Variants in HMCN1 observed in about 807,000 individuals in gnomAD.
The protein encoded by HMCN1 is hemicentin 1.
In HMCN1, 321 loss-of-function variants were observed where a neutral mutation model predicts 625.9. That is an observed-to-expected ratio of 0.51 (90% CI 0.47 to 0.56). The LOEUF (loss-of-function observed/expected upper bound fraction) is 0.56. HMCN1 is among the 20% of genes least tolerant of loss of function. HMCN1 has a pLI of 0.00. For missense variants in HMCN1, 6,588 were observed against 6,887.3 expected (o/e 0.96, Z 1.54); for synonymous variants, 2,425 against 2,417.6 (o/e 1.00, Z -0.09).
Position 186,187,986 on chromosome 1 carries a change from C to T in HMCN1, c.16518C>T (p.Asn5506=). 1.2e-6 allele frequency: 2 copies of T among 1,613,882 alleles called. No individual in the cohort carries two copies. Among genetic ancestry groups the T allele is most frequent in the Non-Finnish European group, 8.5e-7 (1 of 1,179,816 alleles). ...GCATCGATACACCCTGTCCACCCAACTACCAACGGGATCCTGTTTCAGGGT... is the reference window on the plus strand; with the variant it reads ...GCATCGATACACCCTGTCCACCCAATTACCAACGGGATCCTGTTTCAGGGT... ...YQCIDTPCPP[N]YQRDPVSGFC... is the part of the protein sequence containing the mutation. Residue 5506 remains asparagine, a synonymous_variant, in exon 106 of 107, where the codon AAC becomes AAT. Transcript: ENST00000271588.
intron 11 of HMCN1, among the ~76,000 whole-genome samples, chr1:185,947,264 G>C (rs1668396011): frequency 6.6e-6 from 1 of 151,968 alleles, no homozygotes; most frequent in East Asian, 1.9e-4. Context: ...CATCTGTACT[G>C]CTCATGTGGC....
intron 36 of HMCN1, among the ~76,000 whole-genome samples, chr1:186,032,226 A>T (rs1655501844): frequency 6.6e-6 from 1 of 152,158 alleles, no homozygotes; most frequent in East Asian, 1.9e-4. Context: ...AGAAAAAAAA[A>T]TAATCCCATC....
rs759910553 is a variant in HMCN1, at chr1:185,994,916, A to G, written c.3607A>G (p.Thr1203Ala). The change falls in exon 24 of 107, where the codon ACC becomes GCC. Residue 1203 changes from threonine to alanine, a missense_variant. Physicochemically the swap from Thr to Ala is moderately conservative, Grantham distance 58 (BLOSUM62 0). Transcript: ENST00000271588. The stretch of plus-strand genomic sequence containing the variant: ...TCAAGGGACTCCTCTTCCTGTAATC[A>G]CCTGGTCCAAAGGTGGAAGCACTAT... ...NAQGTPLPVI[T>A]WSKGGSTMLV... 5 of 1,613,870 alleles carry G rather than the reference A, an allele frequency of 3.1e-6. No individual in the cohort carries two copies. The highest frequency in any genetic ancestry group is 4.2e-6 in the Non-Finnish European group (5 of 1,179,840).
At chr1:185,772,019 A>G (rs1656274666) in intron 1 of HMCN1, among the ~76,000 whole-genome samples, 2 of 152,204 alleles carry the variant, frequency 1.3e-5, no homozygotes, top group South Asian at 4.1e-4. Flanking sequence ...TGAAGACTTG[A>G]GAGTGTGAGG....
At chr1:185,947,622 A>T (rs1668413652) in intron 11 of HMCN1, among the ~76,000 whole-genome samples, 1 of 152,158 alleles carries the variant, frequency 6.6e-6, no homozygotes, top group Non-Finnish European at 1.5e-5. Flanking sequence ...TCCATTTGGG[A>T]TTTCAGTGGC....
chr1:185,941,050 T>A (rs1668054140), intron 11 of HMCN1, among the ~76,000 whole-genome samples: 1 of 152,074 alleles, frequency 6.6e-6, no homozygotes, highest in South Asian at 2.1e-4. Flanking sequence ...AGAGACGGTG[T>A]TTCACCATGC....
Position 186,050,441 on chromosome 1 carries a change from A to G in HMCN1, c.6577+1602A>G, listed in dbSNP as rs1220796588. The stretch of plus-strand genomic sequence containing the variant: ...ACCATATAAGAAGAGAGCTAGTAAA[A>G]GAGACTCTAGATAAGAAACTGAGAA... On this transcript the variant is annotated intron_variant, in intron 42 of 106. Transcript: ENST00000271588. Among the ~76,000 whole-genome samples, 3 of 151,956 alleles carry G rather than the reference A, an allele frequency of 2.0e-5. No homozygotes were observed. In the East Asian group the frequency reaches 5.8e-4, roughly 29 times the overall value.
intron 56 of HMCN1, among the ~76,000 whole-genome samples, 182 bp downstream of exon 56, chr1:186,081,576 G>C (rs778987242): frequency 3.3e-5 from 5 of 151,940 alleles, no homozygotes; most frequent in African/African-American, 1.2e-4. Flanking sequence ...ACTACCAGAG[G>C]TTACCACTGT....
chr1:185,866,373 AG>A (rs1350125616), intron 4 of HMCN1, among the ~76,000 whole-genome samples: 1 of 150,854 alleles, frequency 6.6e-6, no homozygotes, highest in African/African-American at 2.4e-5. Flanking sequence ...TTTCTTAAAA[AG>A]TCCTTTAGAT....
chr1:185,993,488 T>C (rs1652577244), intron 23 of HMCN1, 179 bp downstream of exon 23: 1 of 614,152 alleles, frequency 1.6e-6, no homozygotes, highest in Admixed American at 2.9e-5. Context: ...TTCCTGCTAT[T>C]TATAAACAAT....
At chr1:185,809,491 C>A in intron 1 of HMCN1, among the ~76,000 whole-genome samples, 1 of 151,428 alleles carries the variant, frequency 6.6e-6, no homozygotes, top group East Asian at 1.9e-4. Flanking sequence ...ATATATATAT[C>A]ACTAGAAATT....
At chr1:186,130,771 A>G in intron 85 of HMCN1, 74 bp downstream of exon 85, 2 of 1,263,328 alleles carry the variant, frequency 1.6e-6, no homozygotes, top group South Asian at 1.2e-5. Flanking sequence ...GCCATAGATA[A>G]GAAACATTTC....
At chr1:186,011,708 C>G (rs1654014658) in intron 30 of HMCN1, among the ~76,000 whole-genome samples, 1 of 152,134 alleles carries the variant, frequency 6.6e-6, no homozygotes, top group Non-Finnish European at 1.5e-5. Flanking sequence ...TTTGCTTGAA[C>G]TTTTGACAGC....
At chr1:185,745,246 G>C (rs1265402091) in intron 1 of HMCN1, among the ~76,000 whole-genome samples, 2 of 151,758 alleles carry the variant, frequency 1.3e-5, no homozygotes, top group African/African-American at 2.4e-5. Flanking sequence ...ATGAAAAAGA[G>C]AGTCACAGAA....
rs1475667660 is a variant in HMCN1, at chr1:186,018,348, T to G, written c.5466T>G (p.Val1822=). The change falls in exon 34 of 107, where the codon GTT becomes GTG. Residue 1822 remains valine, a synonymous_variant. Coordinates refer to ENST00000271588, the MANE Select transcript of HMCN1 (RefSeq NM_031935.3). ...GDHKKEFEVT[V]HVPPTIKSSG... is the part of the protein sequence containing the mutation. Reference sequence around the variant, plus strand: ...ACAAGAAGGAATTTGAAGTGACTGTTCATGGTATGCTGAAGAAGGGACAGG... The same window carrying G: ...ACAAGAAGGAATTTGAAGTGACTGTGCATGGTATGCTGAAGAAGGGACAGG... 1.4e-5 allele frequency: 23 copies of G among 1,612,418 alleles called. No individual in the cohort carries two copies. The highest frequency in any genetic ancestry group is 1.7e-5 in the Non-Finnish European group (20 of 1,178,788).
intron 1 of HMCN1, among the ~76,000 whole-genome samples, chr1:185,844,546 G>A (rs1661691383): frequency 6.6e-6 from 1 of 152,060 alleles, no homozygotes; most frequent in South Asian, 2.1e-4. Context: ...AGCTCTTTTT[G>A]AGCAGTATGT....
chr1:186,087,353 A>G (rs1454104366), intron 59 of HMCN1, 23 bp downstream of exon 59: 2 of 1,604,074 alleles, frequency 1.2e-6, no homozygotes, highest in African/African-American at 2.7e-5. Context: ...TCTCTTCATA[A>G]AATTCTTTTA....
rs1650150745 is a variant in HMCN1, at chr1:186,144,355, A to G, written c.14095+12A>G. 1 of 1,612,304 alleles carries G rather than the reference A, an allele frequency of 6.2e-7. No individual in the cohort carries two copies. Among genetic ancestry groups the G allele is most frequent in the South Asian group, 1.1e-5 (1 of 91,028 alleles). ...AAGAAATTGTCCAAGTAAGAGAAAT[A>G]CACTGTTTATACCTTAATAAATTAA... On this transcript the variant is annotated intron_variant, in intron 90 of 106. Coordinates refer to ENST00000271588, the MANE Select transcript of HMCN1 (RefSeq NM_031935.3).
chr1:186,039,625 T>G, intron 38 of HMCN1, 103 bp from the exon 39 acceptor site: 3 of 1,277,474 alleles, frequency 2.3e-6, no homozygotes, highest in Non-Finnish European at 3.4e-6. Flanking sequence ...AAGCAAACCC[T>G]CCAATAAGAA....
Sources: allele counts gnomAD v4.1 joint callset (sites outside exome capture counted in the v4.1 genomes callset), GRCh38; gene constraint gnomAD v4.1.1; transcripts MANE v1.5; gene names NCBI Gene and HGNC (gene_info 2026-07-23, HGNC 2026-07-21).